Variants in ASTN1 observed in about 807,000 individuals in gnomAD.
The protein encoded by ASTN1 is astrotactin-1.
In ASTN1, 41 loss-of-function variants were observed where a neutral mutation model predicts 140.7. That is an observed-to-expected ratio of 0.29 (90% confidence interval 0.23 to 0.38). The LOEUF (loss-of-function observed/expected upper bound fraction) is 0.38, where lower values mean the gene tolerates loss of function less well. Ranked by LOEUF, ASTN1 falls within the 10% of genes least tolerant of loss-of-function variation. The pLI is 1.00. For missense variants in ASTN1, 1,479 were observed against 1,678.8 expected (o/e 0.88, Z 2.08); for synonymous variants, 640 against 652.2 (o/e 0.98, Z 0.29).
At chr1:176,871,486 A>G (rs955350833) in intron 21 of ASTN1, among the ~76,000 whole-genome samples, 1 of 152,154 alleles carries the variant, frequency 6.6e-6, no homozygotes, top group Non-Finnish European at 1.5e-5. Context: ...GGAGGTGCCT[A>G]TCATTCTCAT....
At chr1:176,996,474 A>T (rs900647233) in intron 8 of ASTN1, among the ~76,000 whole-genome samples, 2 of 152,116 alleles carry the variant, frequency 1.3e-5, no homozygotes, top group Non-Finnish European at 2.9e-5. Context: ...CTGTAACCTC[A>T]CTATGCCCTA....
intron 16 of ASTN1, among the ~76,000 whole-genome samples, chr1:176,913,376 TA>T (rs1291708416): frequency 1.3e-5 from 2 of 152,194 alleles, no homozygotes; most frequent in African/African-American, 4.8e-5. Flanking sequence ...ATGCTATTGA[TA>T]GGTTCATCAG....
chr1:177,048,251 T>G (rs780267456), intron 2 of ASTN1, among the ~76,000 whole-genome samples: 1 of 152,116 alleles, frequency 6.6e-6, no homozygotes, highest in Non-Finnish European at 1.5e-5. Context: ...TCCCTCCTAA[T>G]GGCAACATGG....
chr1:177,137,073 A>T (rs1682238513), intron 1 of ASTN1, among the ~76,000 whole-genome samples: 1 of 152,186 alleles, frequency 6.6e-6, no homozygotes, highest in African/African-American at 2.4e-5. Context: ...CATCCCTGGC[A>T]GAGAACTGTT....
intron 1 of ASTN1, among the ~76,000 whole-genome samples, chr1:177,118,697 C>T (rs2102173630): frequency 6.6e-6 from 1 of 152,264 alleles, no homozygotes; most frequent in Admixed American, 6.5e-5. Context: ...GGCCTGTCCA[C>T]CCTCTCAGGC....
intron 1 of ASTN1, among the ~76,000 whole-genome samples, chr1:177,105,970 T>C (rs1467305391): frequency 1.3e-5 from 2 of 152,170 alleles, no homozygotes; most frequent in Non-Finnish European, 2.9e-5. Flanking sequence ...CATTTCAGCC[T>C]GGGAGACAGA....
chr1:177,159,177 T>C (rs1481308821), intron 1 of ASTN1, among the ~76,000 whole-genome samples: 1 of 152,094 alleles, frequency 6.6e-6, no homozygotes, highest in Non-Finnish European at 1.5e-5. Context: ...TGTTGTAAAA[T>C]TCATCATTCA....
intron 2 of ASTN1, among the ~76,000 whole-genome samples, chr1:177,059,222 G>C (rs1251813453): frequency 6.6e-6 from 1 of 152,136 alleles, no homozygotes; most frequent in Non-Finnish European, 1.5e-5. Context: ...GGCAGGATGT[G>C]GATGGCTGAC....
In ASTN1 at chr1:176,958,593, T is replaced by A. The variant is rs1051271617; in HGVS notation, c.1599-111A>T. 5.1e-6 allele frequency: 7 copies of A among 1,361,610 alleles called. No homozygotes were observed. The East Asian group carries it at 1.3e-4, about 26-fold the overall frequency. The allele number at this position is 1,361,610 out of a possible 1,614,324, so 84.3% of individuals were successfully genotyped here. A position where few individuals can be genotyped will look rare whatever the true frequency, so the allele number is the denominator to read the frequency against. ...TTCTTCTCACCCTTTGTAGTCCTTT[T>A]CAGAAAGACTGCCTTTTTATGGGTG... On this transcript the variant is annotated intron_variant, in intron 9 of 22. Transcript: ENST00000361833.
At chr1:176,881,983 AACG>A (rs1261283655) in intron 20 of ASTN1, among the ~76,000 whole-genome samples, 1 of 152,226 alleles carries the variant, frequency 6.6e-6, no homozygotes, top group East Asian at 1.9e-4. Flanking sequence ...GAAGTCCTAC[AACG>A]ACATCACTAT....
intron 1 of ASTN1, among the ~76,000 whole-genome samples, chr1:177,157,291 C>A (rs1683279706): frequency 6.6e-6 from 1 of 151,518 alleles, no homozygotes; most frequent in Non-Finnish European, 1.5e-5. Flanking sequence ...TAAAACTGTT[C>A]TTTTTGTTGT....
chr1:176,875,515 C>A (rs1668524875), intron 21 of ASTN1, among the ~76,000 whole-genome samples: 1 of 152,114 alleles, frequency 6.6e-6, no homozygotes, highest in African/African-American at 2.4e-5. Flanking sequence ...TTGCATAGTG[C>A]TACAATATTA....
chr1:176,878,972 C>G (rs937083600), intron 20 of ASTN1, among the ~76,000 whole-genome samples: 2 of 152,210 alleles, frequency 1.3e-5, no homozygotes, highest in African/African-American at 4.8e-5. Flanking sequence ...AGTCCGTCCT[C>G]TGCCCAGAGG....
intron 21 of ASTN1, among the ~76,000 whole-genome samples, chr1:176,874,521 C>T (rs1668482655): frequency 6.6e-6 from 1 of 152,170 alleles, no homozygotes; most frequent in Admixed American, 6.6e-5. Context: ...AGTGTGAGTG[C>T]TGGTTCTGCC....
chr1:177,153,538 A>G (rs1683127134), intron 1 of ASTN1, among the ~76,000 whole-genome samples: 1 of 152,214 alleles, frequency 6.6e-6, no homozygotes, highest in Non-Finnish European at 1.5e-5. Context: ...CAATAAATTC[A>G]AAATATACCA....
chr1:177,142,456 A>T (rs537695569), intron 1 of ASTN1, among the ~76,000 whole-genome samples: 75 of 152,292 alleles, frequency 4.9e-4, no homozygotes, highest in African/African-American at 1.7e-3. Context: ...ATTCCAGAGC[A>T]CCCCAGGACT....
intron 16 of ASTN1, among the ~76,000 whole-genome samples, chr1:176,907,006 C>T (rs906915809): frequency 3.9e-5 from 6 of 152,138 alleles, no homozygotes; most frequent in African/African-American, 1.4e-4. Context: ...CACAAGTATT[C>T]ATGTAGAAGC....
At chr1:177,046,172 T>C (rs1413052997) in intron 2 of ASTN1, among the ~76,000 whole-genome samples, 1 of 152,160 alleles carries the variant, frequency 6.6e-6, no homozygotes, top group Non-Finnish European at 1.5e-5. Context: ...GTAGACCCCA[T>C]TGGCACACTG....
intron 8 of ASTN1, among the ~76,000 whole-genome samples, chr1:177,011,578 C>T (rs1350263192): frequency 6.6e-6 from 1 of 151,674 alleles, no homozygotes; most frequent in African/African-American, 2.4e-5. Flanking sequence ...CACACACACA[C>T]ACAAACACAC....
Sources: allele counts gnomAD v4.1 joint callset (sites outside exome capture counted in the v4.1 genomes callset), GRCh38; gene constraint gnomAD v4.1.1; transcripts MANE v1.5; gene names NCBI Gene and HGNC (gene_info 2026-07-23, HGNC 2026-07-21).